KANK1: variants seen among roughly 807,000 people sequenced by gnomAD.
KANK1 encodes KN motif and ankyrin repeat domain-containing protein 1.
Under a neutral mutation model 106.2 loss-of-function variants are expected in KANK1, and 109 were observed. That is an observed-to-expected ratio of 1.03 (90% confidence interval 0.88 to 1.20). The LOEUF is 1.20. KANK1 is among the 50% of genes most tolerant of loss of function. The pLI, the probability that KANK1 is intolerant of heterozygous loss-of-function variation, is 0.00. For synonymous variants in KANK1, 873 were observed against 652.2 expected, an observed-to-expected ratio of 1.34 and a Z score of -5.16; for missense variants, 2,399 against 1,710.7, an observed-to-expected ratio of 1.40 and a Z score of -7.10.
chr9:494,948 G>A (rs1045366342), intron 3 of KANK1, among the ~76,000 whole-genome samples: 1 of 152,166 alleles, frequency 6.6e-6, no homozygotes, highest in Non-Finnish European at 1.5e-5. Flanking sequence ...TACATAGACC[G>A]TGAACAAATA....
In KANK1 at chr9:613,796, G is replaced by A. The variant is rs187388689; in HGVS notation, c.-83-63094G>A. On this transcript the variant is annotated intron_variant, in intron 1 of 11. Coordinates refer to ENST00000382297, the MANE Select transcript of KANK1 (RefSeq NM_015158.5). ...CCCTTAAGTTTTGTGACTTTCTGTTGTAAAAAAGACTGTATTCACTAGATG... is the reference window on the plus strand; with the variant it reads ...CCCTTAAGTTTTGTGACTTTCTGTTATAAAAAAGACTGTATTCACTAGATG... Among the ~76,000 whole-genome samples, 226 of 151,396 alleles carry A rather than the reference G, an allele frequency of 1.5e-3. 3 individuals are homozygous for A. Among genetic ancestry groups the A allele is most frequent in the African/African-American group, 5.2e-3 (215 of 41,138 alleles).
At chr9:744,707 T>C in intron 11 of KANK1, 118 bp downstream of exon 11, 1 of 1,582,934 alleles carries the variant, frequency 6.3e-7, no homozygotes, top group Non-Finnish European at 8.6e-7. Context: ...ATGGAAGTTT[T>C]AGTCTGGAGC....
At position 716,440 on chromosome 9, in the gene KANK1, A is replaced by G. The variant is rs565868825; in HGVS notation, c.2698+2976A>G. Among the ~76,000 whole-genome samples the G allele has an allele frequency of 5.3e-5, 8 of 152,310 alleles. 1 individual carries two copies. In the East Asian group the frequency reaches 1.5e-3, roughly 29 times the overall value. The stretch of plus-strand genomic sequence containing the variant: ...TCTTTTGTTTTCAGCCTAAATTTTT[A>G]TCTTCATTATTCTGGGTGATGCCCC... On this transcript the variant is annotated intron_variant, in intron 3 of 11. Transcript: ENST00000382297.
At chr9:735,858 G>C (rs1040285672) in intron 7 of KANK1, 2 of 310,892 alleles carry the variant, frequency 6.4e-6, no homozygotes, top group African/African-American at 2.1e-5. Context: ...AGCCAGGCAT[G>C]GTGGTACACC....
At chr9:599,369 A>T (rs1406564495) in intron 1 of KANK1, among the ~76,000 whole-genome samples, 1 of 151,830 alleles carries the variant, frequency 6.6e-6, no homozygotes, top group Non-Finnish European at 1.5e-5. Context: ...TTATTTTAAA[A>T]TTCAAGGTAA....
At chr9:601,705 G>A (rs998316194) in intron 1 of KANK1, among the ~76,000 whole-genome samples, 2 of 151,492 alleles carry the variant, frequency 1.3e-5, no homozygotes, top group African/African-American at 4.9e-5. Flanking sequence ...TTCTAGCTTT[G>A]GCCACTGGGA....
intron 6 of KANK1, chr9:733,510 A>G (rs573201667): frequency 6.6e-6 from 1 of 152,200 alleles, no homozygotes; most frequent in Admixed American, 6.5e-5. Context: ...TGTGTGGTTT[A>G]CTGGTCAGCA....
At chr9:686,665 C>G in intron 2 of KANK1, 1 of 722,764 alleles carries the variant, frequency 1.4e-6, no homozygotes, top group Non-Finnish European at 1.7e-6. Context: ...GCTTCCAAGT[C>G]TGCCCCAGGG....
chr9:727,679 C>CGTGTGTGTGTGTGTGT (rs1564092313), intron 3 of KANK1, among the ~76,000 whole-genome samples: 2 of 121,836 alleles, frequency 1.6e-5, no homozygotes, highest in African/African-American at 7.7e-5. Flanking sequence ...GATAACTTTT[C>CGTGTGTGTGTGTGTGT]ATGTGTGTGT....
At chr9:570,156 A>T (rs904639525) in intron 1 of KANK1, among the ~76,000 whole-genome samples, 1 of 152,100 alleles carries the variant, frequency 6.6e-6, no homozygotes, top group Non-Finnish European at 1.5e-5. Flanking sequence ...TCTCATTGCT[A>T]CTTTGGAGAA....
At chr9:532,441 A>G (rs376662815) in intron 1 of KANK1, among the ~76,000 whole-genome samples, 8 of 127,998 alleles carry the variant, frequency 6.3e-5, no homozygotes, top group African/African-American at 2.1e-4. Context: ...GTATGTTTAC[A>G]TTGTTGTGCC....
intron 1 of KANK1, among the ~76,000 whole-genome samples, chr9:611,048 A>T (rs962005075): frequency 8.6e-5 from 13 of 151,886 alleles, no homozygotes; most frequent in Non-Finnish European, 1.6e-4. Context: ...TCACTTTATT[A>T]CTCTGGCATT....
chr9:689,079 G>A (rs1230740310), intron 2 of KANK1, among the ~76,000 whole-genome samples: 2 of 152,086 alleles, frequency 1.3e-5, no homozygotes, highest in Non-Finnish European at 2.9e-5. Flanking sequence ...TTAGTTCTGT[G>A]TCCCCCCAAT....
chr9:663,659 T>C (rs4237165), intron 1 of KANK1, among the ~76,000 whole-genome samples: 83,456 of 151,956 alleles, frequency 0.55, 23,912 homozygotes, highest in African/African-American at 0.68. Flanking sequence ...CCATAGACAG[T>C]TTCTTGGAAA....
intron 3 of KANK1, among the ~76,000 whole-genome samples, chr9:476,210 G>C (rs1008343316): frequency 2.0e-5 from 3 of 151,548 alleles, no homozygotes; most frequent in African/African-American, 7.3e-5. Context: ...CACAGTATTA[G>C]CCAAACATGA....
At chr9:653,964 C>G (rs567807920) in intron 1 of KANK1, among the ~76,000 whole-genome samples, 2 of 152,306 alleles carry the variant, frequency 1.3e-5, no homozygotes, top group Admixed American at 1.3e-4. Context: ...CACCCTGTTC[C>G]TTTCCACATG....
At chr9:738,193 T>G in intron 7 of KANK1, 92 bp from the exon 8 acceptor site, 1 of 1,045,854 alleles carries the variant, frequency 9.6e-7, no homozygotes, top group South Asian at 1.6e-5. Context: ...TATATATACT[T>G]TGACTATAAA....
At chr9:636,210 C>T (rs767383851) in intron 1 of KANK1, among the ~76,000 whole-genome samples, 2 of 152,124 alleles carry the variant, frequency 1.3e-5, no homozygotes, top group Non-Finnish European at 2.9e-5. Context: ...ATTCTAGTGG[C>T]GGCCAGGTTG....
intron 1 of KANK1, among the ~76,000 whole-genome samples, chr9:636,153 G>A (rs1439356425): frequency 2.0e-5 from 3 of 152,180 alleles, no homozygotes; most frequent in South Asian, 4.1e-4. Flanking sequence ...TTCAGTTTCA[G>A]TTGGCCTGGG....
Sources: allele counts gnomAD v4.1 joint callset (sites outside exome capture counted in the v4.1 genomes callset), GRCh38; gene constraint gnomAD v4.1.1; transcripts MANE v1.5; gene names NCBI Gene and HGNC (gene_info 2026-07-23, HGNC 2026-07-21).